Variants in LRRC49 observed in about 807,000 individuals in gnomAD.
The protein encoded by LRRC49 is leucine rich repeat containing 49.
In LRRC49, 50 loss-of-function variants were observed where a neutral mutation model predicts 83.3. That is an observed-to-expected ratio of 0.60 (90% CI 0.48 to 0.76). The LOEUF (loss-of-function observed/expected upper bound fraction) is 0.76, where lower values mean the gene tolerates loss of function less well. Ranked by LOEUF, LRRC49 falls within the 30% of genes least tolerant of loss-of-function variation. The pLI, the probability that LRRC49 is intolerant of heterozygous loss-of-function variation, is 0.00. For synonymous variants in LRRC49, 286 were observed against 283.3 expected, an observed-to-expected ratio of 1.01 and a Z score of -0.10; for missense variants, 704 against 809.1, an observed-to-expected ratio of 0.87 and a Z score of 1.58.
chr15:71,020,707 TG>T lies in LRRC49; in HGVS notation c.1703+7795del, dbSNP rs2141276130. ...AGGAAATTACCAACCTAGAATTCTA[TG>T]CACAGCAAATATGTCTTTTAAGAAT... On this transcript the variant is annotated intron_variant, in intron 14 of 15. Transcript: ENST00000260382. Among the ~76,000 whole-genome samples, 5 of 152,344 alleles carry T rather than the reference TG, an allele frequency of 3.3e-5. No individual in the cohort carries two copies. In the South Asian group the frequency reaches 1.0e-3, roughly 32 times the overall value.
At chr15:70,968,544 T>C (rs1477480774) in intron 9 of LRRC49, among the ~76,000 whole-genome samples, 2 of 152,214 alleles carry the variant, frequency 1.3e-5, no homozygotes, top group East Asian at 3.9e-4. Context: ...TCTAGATCCT[T>C]GAGGAATTGC....
intron 11 of LRRC49, among the ~76,000 whole-genome samples, chr15:70,993,144 A>G (rs965984220): frequency 3.9e-5 from 6 of 152,184 alleles, no homozygotes; most frequent in African/African-American, 1.4e-4. Flanking sequence ...CATGCTAGCA[A>G]TGAGCGAGGC....
intron 1 of LRRC49, among the ~76,000 whole-genome samples, chr15:70,855,597 G>A (rs2032636671): frequency 6.6e-6 from 1 of 152,188 alleles, no homozygotes; most frequent in Non-Finnish European, 1.5e-5. Context: ...CATGTATAGG[G>A]TCCTGGGTGT....
chr15:71,003,187 G>A (rs978617736), intron 11 of LRRC49, among the ~76,000 whole-genome samples: 2 of 151,642 alleles, frequency 1.3e-5, no homozygotes, highest in African/African-American at 2.4e-5. Context: ...CACCCACCTC[G>A]GCCTCCCAGA....
At chr15:70,917,296 T>A (rs890658629) in intron 6 of LRRC49, among the ~76,000 whole-genome samples, 1 of 152,184 alleles carries the variant, frequency 6.6e-6, no homozygotes, top group Non-Finnish European at 1.5e-5. Flanking sequence ...CAGGCCAGAC[T>A]GCCACTCCCA....
Position 71,051,594 on chromosome 15 carries a change from TG to T in LRRC49, c.*1985del. ...AAGAACTTGTGACTCTTTGGGAGTC[TG>T]GGTAACTGTTCCCACTCTAGGCTTT... On this transcript the variant is annotated 3_prime_UTR_variant, in exon 16 of 16. Coordinates refer to ENST00000260382, the MANE Select transcript of LRRC49 (RefSeq NM_017691.5). The T allele has an allele frequency of 6.6e-6, 1 of 152,396 alleles. No individual in the cohort carries two copies. 9.4% of individuals were successfully genotyped at this position (152,396 alleles called of 1,614,324 possible).
intron 1 of LRRC49, chr15:70,859,952 A>G: frequency 1.3e-6 from 1 of 765,056 alleles, no homozygotes. Flanking sequence ...AATCCATACG[A>G]AGACCACCAG....
chr15:70,854,961 C>A (rs1567025842), intron 1 of LRRC49, among the ~76,000 whole-genome samples: 1 of 152,158 alleles, frequency 6.6e-6, no homozygotes, highest in Non-Finnish European at 1.5e-5. Flanking sequence ...ACACTGCCAC[C>A]TTTTCACGTG....
intron 7 of LRRC49, among the ~76,000 whole-genome samples, 183 bp downstream of exon 7, chr15:70,919,376 T>C (rs1473010977): frequency 1.3e-5 from 2 of 152,252 alleles, no homozygotes; most frequent in Non-Finnish European, 2.9e-5. Context: ...TTGAGGTATT[T>C]TCCATTTTAA....
intron 2 of LRRC49, chr15:70,882,359 T>C (rs2033283827): frequency 1.7e-6 from 2 of 1,150,154 alleles, no homozygotes; most frequent in African/African-American, 1.5e-5. Flanking sequence ...ACTGTCAAAT[T>C]ATCTTGAAGT....
intron 4 of LRRC49, 32 bp from the exon 5 acceptor site, chr15:70,904,520 T>C: frequency 7.0e-7 from 1 of 1,437,440 alleles, no homozygotes; most frequent in Non-Finnish European, 9.8e-7. Flanking sequence ...GGCTGAATCA[T>C]AACCTAATTA....
chr15:70,868,222 C>T (rs1240362658), intron 1 of LRRC49, among the ~76,000 whole-genome samples: 1 of 152,170 alleles, frequency 6.6e-6, no homozygotes, highest in Non-Finnish European at 1.5e-5. Flanking sequence ...GTAACCTTAG[C>T]TAAAACTTCC....
chr15:70,859,605 A>G (rs75747052), intron 1 of LRRC49: 2 of 646,288 alleles, frequency 3.1e-6, no homozygotes, highest in Non-Finnish European at 5.9e-6. Flanking sequence ...AAGCTTGGGC[A>G]TGACCTGCAG....
At chr15:71,018,242 A>T (rs1378575908) in intron 14 of LRRC49, among the ~76,000 whole-genome samples, 1 of 152,212 alleles carries the variant, frequency 6.6e-6, no homozygotes, top group East Asian at 1.9e-4. Context: ...GACAGGATGA[A>T]CACCTGGGAG....
chr15:71,027,925 A>G (rs559928407), intron 14 of LRRC49, among the ~76,000 whole-genome samples: 98 of 152,284 alleles, frequency 6.4e-4, no homozygotes, highest in Non-Finnish European at 1.1e-3. Flanking sequence ...TCCTATTTGA[A>G]TACACTTTAT....
At chr15:70,895,477 A>G (rs1595990558) in intron 2 of LRRC49, 1 of 158,704 alleles carries the variant, frequency 6.3e-6, no homozygotes, top group Non-Finnish European at 1.4e-5. Flanking sequence ...AGCTTGGAAT[A>G]TCTTGTATCT....
At chr15:70,934,522 A>G (rs962306982) in intron 7 of LRRC49, among the ~76,000 whole-genome samples, 3 of 152,230 alleles carry the variant, frequency 2.0e-5, no homozygotes, top group East Asian at 1.9e-4. Flanking sequence ...AGGCAATGAC[A>G]TTTAATGATT....
At chr15:70,889,245 T>C (rs2033489090), upstream of LRRC49, among the ~76,000 whole-genome samples, 1 of 152,120 alleles carries the variant, frequency 6.6e-6, no homozygotes, top group African/African-American at 2.4e-5. Context: ...TACATAATAA[T>C]GAAAATGAAC....
chr15:71,034,162 T>A (rs577601929), intron 14 of LRRC49, among the ~76,000 whole-genome samples: 2 of 152,020 alleles, frequency 1.3e-5, no homozygotes, highest in East Asian at 3.9e-4. Context: ...ATATCCAGAA[T>A]CTACAAGGAA....
Sources: allele counts gnomAD v4.1 joint callset (sites outside exome capture counted in the v4.1 genomes callset), GRCh38; gene constraint gnomAD v4.1.1; transcripts MANE v1.5; gene names NCBI Gene and HGNC (gene_info 2026-07-23, HGNC 2026-07-21).